The following KNTC1 variants were observed in gnomAD, a reference collection of about 807,000 sequenced individuals.
The protein encoded by KNTC1 is kinetochore-associated protein 1.
Under a neutral mutation model 314.4 loss-of-function variants are expected in KNTC1, and 253 were observed. The observed-to-expected ratio is 0.80, with a 90% CI of 0.73 to 0.89. The LOEUF (loss-of-function observed/expected upper bound fraction) is 0.89. Among genes scored for constraint, KNTC1 ranks in the 40% least tolerant of loss-of-function variants. The probability of loss-of-function intolerance (pLI) is 0.00; values close to 1 mark genes in which losing one functional copy is unlikely to be tolerated. For missense variants in KNTC1, 2,475 were observed against 2,572.9 expected, an observed-to-expected ratio of 0.96 and a Z score of 0.82; for synonymous variants, 901 against 901.4, an observed-to-expected ratio of 1.00 and a Z score of 0.01.
At chr12:122,587,980 A>T (rs1042698045) in intron 39 of KNTC1, 106 bp downstream of exon 39, 1 of 918,906 alleles carries the variant, frequency 1.1e-6, no homozygotes, top group Non-Finnish European at 1.6e-6. Context: ...GTAGCAAGGA[A>T]ATTGGTAATT....
intron 51 of KNTC1, among the ~76,000 whole-genome samples, chr12:122,607,533 A>G (rs1459782397): frequency 2.0e-5 from 3 of 152,162 alleles, no homozygotes; most frequent in East Asian, 3.8e-4. Context: ...ATCATACTGC[A>G]TAAGTTGTGT....
intron 51 of KNTC1, among the ~76,000 whole-genome samples, chr12:122,606,883 C>T (rs1872640717): frequency 6.6e-6 from 1 of 152,150 alleles, no homozygotes; most frequent in Admixed American, 6.5e-5. Context: ...ACAGGATTTT[C>T]TCTAATCCAA....
rs1292755929 is a variant in KNTC1, at chr12:122,530,199, A to G, written c.129+7A>G. The G allele has an allele frequency of 2.5e-6, 4 of 1,611,368 alleles. No individual in the cohort carries two copies. Among genetic ancestry groups the G allele is most frequent in the Non-Finnish European group, 3.4e-6 (4 of 1,178,450 alleles). On this transcript the variant is annotated splice_region_variant and intron_variant, in intron 2 of 63. Coordinates refer to ENST00000333479, the MANE Select transcript of KNTC1 (RefSeq NM_014708.6). The stretch of plus-strand genomic sequence containing the variant: ...GAAGATCTCTTCTGAAAAGGTAGTG[A>G]TTATTACACTGACTGTTTCATTCAC...
intron 33 of KNTC1, among the ~76,000 whole-genome samples, chr12:122,581,570 C>G (rs1416007368): frequency 6.6e-6 from 1 of 152,000 alleles, no homozygotes; most frequent in Non-Finnish European, 1.5e-5. Context: ...TCTCAGCTTA[C>G]TGCAGATTCT....
intron 39 of KNTC1, 112 bp from the exon 40 acceptor site, chr12:122,588,600 A>C (rs1199847914): frequency 1.2e-6 from 1 of 801,564 alleles, no homozygotes; most frequent in African/African-American, 1.8e-5. Flanking sequence ...TTAAATTCTG[A>C]TACTTTTTGG....
rs935408895 is a variant in KNTC1 at position 122,574,282 on chromosome 12, G to T, written c.2284G>T (p.Asp762Tyr). 4 of 1,580,458 alleles carry T rather than the reference G, an allele frequency of 2.5e-6. No homozygotes were observed. Among genetic ancestry groups the T allele is most frequent in the Non-Finnish European group, 3.5e-6 (4 of 1,159,034 alleles). ...EEELLLLYIE[D>Y]LLNRCSSKST... The stretch of plus-strand genomic sequence containing the variant: ...AACATACATGTTTATCCCTTTTTAG[G>T]ATTTACTGAATAGATGCAGCTCAAA... Residue 762 changes from aspartate to tyrosine, a missense_variant and splice_region_variant, in exon 27 of 64, where the codon GAT (aspartate) becomes TAT (tyrosine). Transcript: ENST00000333479.
intron 5 of KNTC1, among the ~76,000 whole-genome samples, chr12:122,541,580 C>G (rs1359962665): frequency 6.6e-6 from 1 of 151,630 alleles, no homozygotes; most frequent in Non-Finnish European, 1.5e-5. Flanking sequence ...CTCCTGACCT[C>G]GTGATCTACC....
intron 43 of KNTC1, among the ~76,000 whole-genome samples, chr12:122,597,053 G>A (rs1294614947): frequency 6.6e-6 from 1 of 151,912 alleles, no homozygotes; most frequent in African/African-American, 2.4e-5. Flanking sequence ...GATATAAACT[G>A]TTTTCAGCTT....
chr12:122,549,198 G>A (rs1191733502), intron 12 of KNTC1, among the ~76,000 whole-genome samples: 2 of 151,460 alleles, frequency 1.3e-5, no homozygotes, highest in African/African-American at 2.4e-5. Context: ...GATTACAGAT[G>A]TGCACCACTA....
intron 60 of KNTC1, 124 bp downstream of exon 60, chr12:122,620,732 T>A: frequency 1.0e-6 from 1 of 1,002,876 alleles, no homozygotes; most frequent in Non-Finnish European, 1.4e-6. Context: ...CAGATATGTG[T>A]GAAGCTTGTA....
At chr12:122,540,646 T>G (rs2137700304) in intron 5 of KNTC1, among the ~76,000 whole-genome samples, 1 of 152,304 alleles carries the variant, frequency 6.6e-6, no homozygotes, top group African/African-American at 2.4e-5. Context: ...GACATTATAT[T>G]CTTTTAAAAT....
chr12:122,577,817 A>C (rs1417906355), intron 31 of KNTC1, 26 bp downstream of exon 31: 1 of 1,592,538 alleles, frequency 6.3e-7, no homozygotes, highest in East Asian at 2.2e-5. Flanking sequence ...AGTAAAATAT[A>C]AGTAAATCCA....
chr12:122,539,337 TA>T (rs1233666939), intron 4 of KNTC1, among the ~76,000 whole-genome samples: 1 of 152,112 alleles, frequency 6.6e-6, no homozygotes, highest in Non-Finnish European at 1.5e-5. Context: ...TATTTTAAAT[TA>T]AAAAAATGTT....
At chr12:122,546,534 C>A in intron 9 of KNTC1, 88 bp from the exon 10 acceptor site, 1 of 868,636 alleles carries the variant, frequency 1.2e-6, no homozygotes, top group Non-Finnish European at 1.8e-6. Flanking sequence ...TTATGTAGTT[C>A]TGCCTTTCTG....
chr12:122,560,864 G>C (rs1339516455), intron 18 of KNTC1, among the ~76,000 whole-genome samples: 2 of 152,098 alleles, frequency 1.3e-5, no homozygotes, highest in African/African-American at 2.4e-5. Flanking sequence ...AAACTCCTGG[G>C]TTCAAGCAAT....
chr12:122,575,711 G>T (rs779809934), intron 28 of KNTC1, 65 bp downstream of exon 28: 3 of 1,469,380 alleles, frequency 2.0e-6, no homozygotes, highest in East Asian at 2.3e-5. Context: ...TTGAGTTGAC[G>T]TTCATTTATG....
At chr12:122,615,356 A>G in intron 56 of KNTC1, 114 bp from the exon 57 acceptor site, 1 of 906,506 alleles carries the variant, frequency 1.1e-6, no homozygotes, top group Non-Finnish European at 1.6e-6. Context: ...GGCAGTTATC[A>G]TGGAAGATAA....
At chr12:122,597,014 T>C (rs1309588483) in intron 43 of KNTC1, among the ~76,000 whole-genome samples, 1 of 152,170 alleles carries the variant, frequency 6.6e-6, no homozygotes, top group Non-Finnish European at 1.5e-5. Context: ...ATGAATTTTT[T>C]CTACTTTTTT....
intron 60 of KNTC1, 114 bp downstream of exon 60, chr12:122,620,722 C>A: frequency 9.3e-7 from 1 of 1,079,914 alleles, no homozygotes; most frequent in African/African-American, 1.6e-5. Flanking sequence ...ATGAATACAT[C>A]AGATATGTGT....
Sources: gnomAD v4.1 joint callset for allele counts (sites outside exome capture counted in the v4.1 genomes callset) on GRCh38, gnomAD v4.1.1 for gene constraint, MANE v1.5 for transcripts, NCBI Gene and HGNC (gene_info 2026-07-23, HGNC 2026-07-21) for gene names.